The following C2CD5 variants were observed in gnomAD, a reference collection of about 807,000 sequenced individuals.
The protein encoded by C2CD5 is C2 calcium dependent domain containing 5.
C2CD5 carries 109 observed loss-of-function variants against 130.3 expected under a neutral mutation model. The observed-to-expected ratio is 0.84, with a 90% confidence interval of 0.72 to 0.98. The LOEUF is 0.98. Among genes scored for constraint, C2CD5 ranks in the 50% least tolerant of loss-of-function variants. The pLI, the probability that C2CD5 is intolerant of heterozygous loss-of-function variation, is 0.00. For missense variants in C2CD5, 996 were observed against 1,261.8 expected (o/e 0.79, Z 3.19); for synonymous variants, 454 against 429.2 (o/e 1.06, Z -0.71).
chr12:22,512,115 T>C (rs965740614), intron 9 of C2CD5, among the ~76,000 whole-genome samples: 2 of 152,192 alleles, frequency 1.3e-5, no homozygotes, highest in Non-Finnish European at 2.9e-5. Context: ...TGCTGCTTGA[T>C]AGAGCATGAA....
At chr12:22,528,152 AT>A (rs930425377) in intron 3 of C2CD5, among the ~76,000 whole-genome samples, 2 of 151,968 alleles carry the variant, frequency 1.3e-5, no homozygotes, top group South Asian at 2.1e-4. Context: ...TTAAATCTCA[AT>A]TTTTTTTACA....
intron 10 of C2CD5, among the ~76,000 whole-genome samples, chr12:22,498,592 CAA>C: frequency 6.6e-6 from 1 of 152,060 alleles, no homozygotes; most frequent in East Asian, 1.9e-4. Context: ...TGATGGCAAA[CAA>C]AAAAGACTAA....
chr12:22,474,627 T>A (rs904092562), intron 16 of C2CD5, 124 bp downstream of exon 16: 36 of 620,988 alleles, frequency 5.8e-5, no homozygotes, highest in Non-Finnish European at 8.9e-5. Flanking sequence ...TATTTTTATA[T>A]AATAACTTTT....
chr12:22,482,819 A>G (rs954249864), intron 13 of C2CD5, 76 bp from the exon 14 acceptor site: 10 of 1,022,052 alleles, frequency 9.8e-6, no homozygotes, highest in Non-Finnish European at 1.5e-5. Context: ...AAACTTGCTA[A>G]AAGTGTGCTG....
At chr12:22,484,197 T>C (rs144692465) in intron 13 of C2CD5, 2,019 of 152,432 alleles carry the variant, frequency 0.013, 18 homozygotes, top group Non-Finnish European at 0.02. Flanking sequence ...ATGTCAGAAC[T>C]AAGATGAGGA....
chr12:22,458,403 T>C (rs1309053191), intron 24 of C2CD5, 81 bp downstream of exon 24: 5 of 514,320 alleles, frequency 9.7e-6, no homozygotes, highest in South Asian at 2.0e-4. Flanking sequence ...TATTACTGGG[T>C]AGTAAGGTCT....
intron 2 of C2CD5, among the ~76,000 whole-genome samples, chr12:22,538,533 G>A (rs539812761): frequency 1.1e-4 from 16 of 152,284 alleles, no homozygotes; most frequent in Middle Eastern, 3.4e-3. Context: ...GATGCAGAAC[G>A]CTGAGGATTG....
intron 10 of C2CD5, among the ~76,000 whole-genome samples, chr12:22,504,638 T>C (rs1461467681): frequency 2.0e-5 from 3 of 152,194 alleles, no homozygotes; most frequent in Non-Finnish European, 2.9e-5. Flanking sequence ...AGAAGACATC[T>C]AGTAATTAAA....
chr12:22,473,000 T>C (rs1163974531), intron 16 of C2CD5, among the ~76,000 whole-genome samples, 193 bp from the exon 17 acceptor site: 4 of 152,242 alleles, frequency 2.6e-5, no homozygotes, highest in African/African-American at 9.6e-5. Flanking sequence ...TGAAATATTT[T>C]ACGTACAAAG....
chr12:22,544,229 A>G, intron 1 of C2CD5, 50 bp from the exon 2 acceptor site: 1 of 1,439,904 alleles, frequency 6.9e-7, no homozygotes, highest in Non-Finnish European at 9.6e-7. Context: ...CCGGCGGGAG[A>G]GGGGCGGAGG....
At chr12:22,512,583 A>T in intron 9 of C2CD5, 3 of 1,132,228 alleles carry the variant, frequency 2.6e-6, no homozygotes, top group Non-Finnish European at 3.7e-6. Flanking sequence ...TTAAATGACC[A>T]AGATTAAAAC....
intron 12 of C2CD5, among the ~76,000 whole-genome samples, chr12:22,487,366 AC>A (rs200174211): frequency 0.043 from 6,498 of 152,268 alleles, 481 homozygotes; most frequent in African/African-American, 0.15. Flanking sequence ...CAAGAAAAAA[AC>A]AACTCCATCA....
At chr12:22,477,870 T>C (rs963222363) in intron 15 of C2CD5, among the ~76,000 whole-genome samples, 13 of 152,146 alleles carry the variant, frequency 8.5e-5, no homozygotes, top group Non-Finnish European at 1.3e-4. Context: ...ACAAAGAACA[T>C]TTTAAACCAT....
chr12:22,498,241 T>C (rs189457418), intron 10 of C2CD5, among the ~76,000 whole-genome samples: 6 of 152,182 alleles, frequency 3.9e-5, no homozygotes, highest in East Asian at 1.9e-4. Context: ...CACACCAAAA[T>C]AGTGTAAGAA....
At position 22,535,238 on chromosome 12, in the gene C2CD5, G is replaced by A. The variant is rs1037815111; in HGVS notation, c.177+20C>T. ...ACCTCAAAAAAATACACTCAAAAAT[G>A]CTGACATTTAAAAACTTACCTCAAA... On this transcript the variant is annotated intron_variant, in intron 3 of 26. Coordinates refer to ENST00000446597, the MANE Select transcript of C2CD5 (RefSeq NM_001286176.2). 1.6e-5 allele frequency: 22 copies of A among 1,375,768 alleles called. No homozygotes were observed. The African/African-American group carries it at 2.7e-4, about 17-fold the overall frequency. 85.2% of individuals were successfully genotyped at this position (1,375,768 alleles called of 1,614,324 possible).
At chr12:22,518,550 A>G (rs1949982077) in intron 7 of C2CD5, among the ~76,000 whole-genome samples, 1 of 152,184 alleles carries the variant, frequency 6.6e-6, no homozygotes, top group South Asian at 2.1e-4. Flanking sequence ...TCCTCAAAAG[A>G]AAAAAATGTT....
At chr12:22,449,981 AAC>A in intron 26 of C2CD5, 90 bp from the exon 27 acceptor site, 1 of 982,266 alleles carries the variant, frequency 1.0e-6, no homozygotes, top group East Asian at 2.4e-5. Flanking sequence ...ACAGCCAAAA[AAC>A]ACAGGCTTCT....
Position 22,470,817 on chromosome 12 carries a change from G to C in C2CD5, c.2446+7C>G, listed in dbSNP as rs750334081. On this transcript the variant is annotated splice_region_variant and intron_variant, in intron 21 of 26. Transcript: ENST00000446597. ...CAAACTGAACTTCCTATTCAGTAAA[G>C]ATTTACCTCTTTGCAATGACTTTTC... 28 of 1,578,754 alleles carry C rather than the reference G, an allele frequency of 1.8e-5. No homozygotes were observed. The Admixed American group carries it at 4.5e-4, about 26-fold the overall frequency.
intron 9 of C2CD5, chr12:22,512,710 A>G (rs751055994): frequency 5.7e-5 from 82 of 1,432,608 alleles, no homozygotes; most frequent in South Asian, 2.6e-4. Context: ...AAAAAAAAAA[A>G]AGAGAGAGAG....
Sources: gnomAD v4.1 joint callset for allele counts (sites outside exome capture counted in the v4.1 genomes callset) on GRCh38, gnomAD v4.1.1 for gene constraint, MANE v1.5 for transcripts, NCBI Gene and HGNC (gene_info 2026-07-23, HGNC 2026-07-21) for gene names.